CRACR2A: variants seen among roughly 807,000 people sequenced by gnomAD.
The protein encoded by CRACR2A is calcium release activated channel regulator 2A, also known as EF-hand calcium-binding domain-containing protein 4B.
CRACR2A carries 79 observed loss-of-function variants against 90.5 expected under a neutral mutation model. That is an observed-to-expected ratio of 0.87 (90% CI 0.73 to 1.05). CRACR2A has a LOEUF of 1.05. Among genes scored for constraint, CRACR2A ranks in the 50% least tolerant of loss-of-function variants. The pLI is 0.00. For synonymous variants in CRACR2A, 338 were observed against 356.7 expected (o/e 0.95, Z 0.59); for missense variants, 823 against 897.2 (o/e 0.92, Z 1.06).
intron 10 of CRACR2A, 149 bp from the exon 11 acceptor site, chr12:3,648,762 G>A (rs1294567211): frequency 3.5e-6 from 4 of 1,133,596 alleles, no homozygotes; most frequent in Non-Finnish European, 4.9e-6. Context: ...CCTACAGTAT[G>A]CAAGTGCTTT....
chr12:3,685,665 G>A (rs565990189), intron 4 of CRACR2A, among the ~76,000 whole-genome samples: 1 of 152,186 alleles, frequency 6.6e-6, no homozygotes, highest in African/African-American at 2.4e-5. Context: ...ACCTATATAC[G>A]ATACCTTGAG....
chr12:3,680,941 A>G (rs1405046343), intron 4 of CRACR2A, among the ~76,000 whole-genome samples: 1 of 152,226 alleles, frequency 6.6e-6, no homozygotes, highest in Non-Finnish European at 1.5e-5. Context: ...GCAGAGAGAG[A>G]GAGAGACTCA....
intron 14 of CRACR2A, among the ~76,000 whole-genome samples, chr12:3,634,240 G>A (rs891342697): frequency 6.6e-6 from 1 of 152,178 alleles, no homozygotes; most frequent in Admixed American, 6.5e-5. Flanking sequence ...GTTGGGACAG[G>A]GAGCTCCTTA....
intron 2 of CRACR2A, among the ~76,000 whole-genome samples, chr12:3,722,551 G>T (rs551635083): frequency 6.6e-6 from 1 of 151,604 alleles, no homozygotes; most frequent in East Asian, 2.0e-4. Flanking sequence ...CTGGGAGGCC[G>T]TATGGAGGTA....
At chr12:3,623,929 C>T (rs552526120) in intron 17 of CRACR2A, among the ~76,000 whole-genome samples, 7 of 152,300 alleles carry the variant, frequency 4.6e-5, no homozygotes, top group South Asian at 2.1e-4. Flanking sequence ...ATTCCTGCTC[C>T]GTCTTGGCCT....
chr12:3,640,713 G>T, intron 13 of CRACR2A: 1 of 1,305,316 alleles, frequency 7.7e-7, no homozygotes, highest in Non-Finnish European at 1.0e-6. Flanking sequence ...TTTCATGCTT[G>T]CAGTCTTCAA....
intron 10 of CRACR2A, among the ~76,000 whole-genome samples, chr12:3,651,985 C>T (rs886311249): frequency 6.6e-6 from 1 of 152,156 alleles, no homozygotes; most frequent in African/African-American, 2.4e-5. Context: ...GCTCTCCGGG[C>T]CCCAGCATGC....
rs1262110524 is a variant in CRACR2A at position 3,711,208 on chromosome 12, CAAT to C, written c.-37+2026_-37+2028del. Among the ~76,000 whole-genome samples the C allele has an allele frequency of 6.6e-6, 1 of 152,178 alleles. No homozygotes were observed. Among genetic ancestry groups the C allele is most frequent in the Non-Finnish European group, 1.5e-5 (1 of 68,022 alleles). On this transcript the variant is annotated intron_variant, in intron 3 of 19. Transcript: ENST00000440314. This position sits in a 1 kb window ranked among gnomAD's most constrained non-coding sequence, Gnocchi z 4.3. ...CAAACAAGTTAGGTGCTTCCAAAAA[CAAT>C]GATGGGACAGGGGCACGACAGATGT...
rs184499844 is a variant in CRACR2A, at chr12:3,693,394, C to A, written c.228+3378G>T. ...GGTGCTCAGGTCAGACCAGCCCTGT[C>A]TGATGGACAAGACCGCCCTGCAGAG... On this transcript the variant is annotated intron_variant, in intron 4 of 19. Transcript: ENST00000440314. Among the ~76,000 whole-genome samples the A allele has an allele frequency of 3.9e-5, 6 of 152,344 alleles. No individual in the cohort carries two copies. In the East Asian group the frequency reaches 1.2e-3, roughly 29 times the overall value.
chr12:3,691,689 C>T (rs12580734), intron 4 of CRACR2A, among the ~76,000 whole-genome samples: 20,667 of 152,114 alleles, frequency 0.14, 1,574 homozygotes, highest in Admixed American at 0.22. Context: ...TGAATGTTGG[C>T]CTCTCTAGCT....
intron 15 of CRACR2A, among the ~76,000 whole-genome samples, chr12:3,629,895 G>C (rs983046367): frequency 2.0e-5 from 3 of 151,768 alleles, no homozygotes; most frequent in African/African-American, 7.3e-5. Context: ...TGAAGCCAGA[G>C]AACACAAGTC....
At chr12:3,616,926 A>G (rs1211275816) in intron 19 of CRACR2A, 28 bp downstream of exon 19, 1 of 1,519,912 alleles carries the variant, frequency 6.6e-7, no homozygotes, top group East Asian at 2.5e-5. Context: ...CACAGCAGTT[A>G]CTGCACCTGG....
intron 2 of CRACR2A, among the ~76,000 whole-genome samples, chr12:3,714,512 C>T (rs1946055069): frequency 1.3e-5 from 2 of 152,166 alleles, no homozygotes; most frequent in South Asian, 4.1e-4. Flanking sequence ...AGTGGGAAAA[C>T]AGGAGAGGAA....
intron 9 of CRACR2A, 44 bp downstream of exon 9, chr12:3,656,267 A>G (rs914620616): frequency 3.8e-6 from 6 of 1,581,968 alleles, no homozygotes; most frequent in Non-Finnish European, 5.2e-6. Context: ...AGAAAAGGAG[A>G]GAGTGAAGAG....
Position 3,688,827 on chromosome 12 carries a change from T to G in CRACR2A, c.228+7945A>C, listed in dbSNP as rs149045576. Among the ~76,000 whole-genome samples, 392 of 152,356 alleles carry G rather than the reference T, an allele frequency of 2.6e-3. 2 individuals carry two copies. Among genetic ancestry groups the G allele is most frequent in the African/African-American group, 8.9e-3 (370 of 41,578 alleles). ...ATTCTTCTGATGCATGAGCATAGAA[T>G]GTTTTTCCCTTTGTTTGTGTCATCT... On this transcript the variant is annotated intron_variant, in intron 4 of 19. Transcript: ENST00000440314.
intron 1 of CRACR2A, among the ~76,000 whole-genome samples, chr12:3,734,256 T>C (rs1289625262): frequency 1.4e-5 from 2 of 146,904 alleles, no homozygotes; most frequent in Non-Finnish European, 3.0e-5. Context: ...GGATTACAGG[T>C]ATGAGCCACC....
intron 4 of CRACR2A, among the ~76,000 whole-genome samples, chr12:3,691,396 T>TA (rs1051265920): frequency 6.6e-6 from 1 of 152,236 alleles, no homozygotes; most frequent in Admixed American, 6.5e-5. Context: ...CTCCTTCACT[T>TA]ACAAAGCTTA....
intron 6 of CRACR2A, among the ~76,000 whole-genome samples, chr12:3,674,020 G>A (rs943566332): frequency 1.3e-5 from 2 of 152,150 alleles, no homozygotes; most frequent in Non-Finnish European, 2.9e-5. Flanking sequence ...AACATGCTCT[G>A]GTGCATCTCC....
At chr12:3,738,859 A>G (rs1332394455) in intron 1 of CRACR2A, among the ~76,000 whole-genome samples, 1 of 152,212 alleles carries the variant, frequency 6.6e-6, no homozygotes, top group Non-Finnish European at 1.5e-5. Flanking sequence ...AAAGCAGCAC[A>G]GAGAAAAGAG....
Sources: gnomAD v4.1 joint callset for allele counts (sites outside exome capture counted in the v4.1 genomes callset) on GRCh38, gnomAD v4.1.1 for gene constraint, Gnocchi (gnomAD v3.1) non-coding constraint, MANE v1.5 for transcripts, NCBI Gene and HGNC (gene_info 2026-07-23, HGNC 2026-07-21) for gene names.